The following KCNN2 variants were observed in gnomAD, a reference collection of about 807,000 sequenced individuals.
KCNN2 encodes small conductance calcium-activated potassium channel protein 2.
A neutral mutation model predicts 55.5 loss-of-function variants in KCNN2; 24 were observed. That is an observed-to-expected ratio of 0.43 (90% CI 0.31 to 0.61). The LOEUF (loss-of-function observed/expected upper bound fraction) is 0.61, where lower values mean the gene tolerates loss of function less well. Among genes scored for constraint, KCNN2 ranks in the 20% least tolerant of loss-of-function variants. The pLI, the probability that KCNN2 is intolerant of heterozygous loss-of-function variation, is 0.08. For missense variants in KCNN2, 754 were observed against 853.6 expected (o/e 0.88, Z 1.45); for synonymous variants, 431 against 336.1 (o/e 1.28, Z -3.09).
At position 114,232,951 on chromosome 5, in the gene KCNN2, C is replaced by T. The variant is rs1385140139; in HGVS notation, c.-185+11386C>T. Among the ~76,000 whole-genome samples, 5 of 17,760 alleles carry T rather than the reference C, an allele frequency of 2.8e-4. No individual in the cohort carries two copies. The East Asian group carries it at 0.022, about 77-fold the overall frequency. 11.7% of individuals were successfully genotyped at this position (17,760 alleles called of 152,430 possible). Reference sequence around the variant, plus strand: ...TTTTTTTTTTTTTGAGACGGAGTCTCGCTCTGTCGCCCAGGCTGGAGTGCA... The same window carrying T: ...TTTTTTTTTTTTTGAGACGGAGTCTTGCTCTGTCGCCCAGGCTGGAGTGCA... On this transcript the variant is annotated intron_variant, in intron 2 of 10. Transcript: ENST00000512097.
chr5:114,164,100 GATTACAAAAGTATTCAAAAAGT>G (rs1752856848), intron 1 of KCNN2, among the ~76,000 whole-genome samples: 1 of 152,074 alleles, frequency 6.6e-6, no homozygotes, highest in Non-Finnish European at 1.5e-5. Context: ...TTACAAGAAG[GATTACAAAAGTATTCAAAAAGT>G]ATTACAAAAG....
chr5:114,122,244 C>A (rs755881294), intron 1 of KCNN2, among the ~76,000 whole-genome samples: 5 of 152,062 alleles, frequency 3.3e-5, no homozygotes, highest in Non-Finnish European at 7.4e-5. Context: ...TTTGAAGAGC[C>A]ATGGCATTGT....
chr5:114,277,819 C>G (rs1276625148), intron 2 of KCNN2, among the ~76,000 whole-genome samples: 1 of 152,036 alleles, frequency 6.6e-6, no homozygotes, highest in East Asian at 1.9e-4. Flanking sequence ...TTATTACCGA[C>G]CTTCTGAAGT....
At chr5:114,352,944 A>G (rs1331193259) in intron 2 of KCNN2, among the ~76,000 whole-genome samples, 1 of 151,874 alleles carries the variant, frequency 6.6e-6, no homozygotes, top group African/African-American at 2.4e-5. Flanking sequence ...TATTCTTGTT[A>G]ATCCTCTGCA....
chr5:114,425,449 C>G (rs988097909), intron 3 of KCNN2, among the ~76,000 whole-genome samples: 1 of 152,130 alleles, frequency 6.6e-6, no homozygotes, highest in Non-Finnish European at 1.5e-5. Context: ...GTTGACCTTC[C>G]CAGCTTAGTT....
chr5:114,446,621 C>A (rs909326423), intron 3 of KCNN2, among the ~76,000 whole-genome samples: 4 of 152,126 alleles, frequency 2.6e-5, no homozygotes, highest in African/African-American at 9.7e-5. Context: ...CTGTGCCCGG[C>A]TAATTTTTGT....
chr5:114,072,443 C>T (rs2112527691), intron 1 of KCNN2, among the ~76,000 whole-genome samples: 1 of 152,184 alleles, frequency 6.6e-6, no homozygotes, highest in African/African-American at 2.4e-5. Flanking sequence ...ATTAGCTATG[C>T]ATAAAATGGC....
At chr5:114,174,967 A>T (rs1188841784) in intron 1 of KCNN2, among the ~76,000 whole-genome samples, 2 of 152,206 alleles carry the variant, frequency 1.3e-5, no homozygotes, top group African/African-American at 4.8e-5. Context: ...GGAAATAACT[A>T]AAATCCTCAA....
Position 114,150,734 on chromosome 5 carries a change from A to G in KCNN2, c.-270-70746A>G, listed in dbSNP as rs529735052. The stretch of plus-strand genomic sequence containing the variant: ...AGGCAGCTTCTTATAAAAACCAAAT[A>G]AGCAAGGCCGGGCACAGTGGCTTAC... On this transcript the variant is annotated intron_variant, in intron 1 of 10. Transcript: ENST00000512097. 1.9e-4 allele frequency among the ~76,000 whole-genome samples: 29 copies of G among 152,286 alleles called. No homozygotes were observed. The South Asian group carries it at 5.2e-3, about 27-fold the overall frequency.
chr5:114,133,014 C>A (rs1752101408), intron 1 of KCNN2, among the ~76,000 whole-genome samples: 1 of 152,144 alleles, frequency 6.6e-6, no homozygotes, highest in African/African-American at 2.4e-5. Flanking sequence ...GATTCTTCTA[C>A]CCATATTCCC....
chr5:114,161,307 T>G (rs1366294402), intron 1 of KCNN2, among the ~76,000 whole-genome samples: 1 of 150,624 alleles, frequency 6.6e-6, no homozygotes, highest in Non-Finnish European at 1.5e-5. Context: ...AATTCTTTTC[T>G]TTAAGAATGT....
At chr5:114,116,536 A>G (rs1193814488) in intron 1 of KCNN2, among the ~76,000 whole-genome samples, 1 of 152,132 alleles carries the variant, frequency 6.6e-6, no homozygotes, top group Admixed American at 6.5e-5. Context: ...ATGAACTGTG[A>G]AATTGTGACA....
chr5:114,107,232 A>G (rs562526243), intron 1 of KCNN2, among the ~76,000 whole-genome samples: 2 of 152,086 alleles, frequency 1.3e-5, no homozygotes, highest in Admixed American at 6.6e-5. Flanking sequence ...AGAGTTCTCT[A>G]TTTTGTTCCA....
At chr5:114,297,208 A>G (rs2150020702) in intron 2 of KCNN2, among the ~76,000 whole-genome samples, 1 of 152,190 alleles carries the variant, frequency 6.6e-6, no homozygotes. Context: ...AATCCTAACT[A>G]CTAGGAGGCA....
intron 1 of KCNN2, among the ~76,000 whole-genome samples, chr5:114,110,018 C>T (rs951043057): frequency 1.3e-5 from 2 of 152,028 alleles, no homozygotes; most frequent in African/African-American, 4.8e-5. Context: ...ATAAAAGAGG[C>T]TTCACAAAGC....
At position 114,395,959 on chromosome 5, in the gene KCNN2, T is replaced by C. The variant is rs73782227; in HGVS notation, c.1219-8479T>C. ...TTACCCAAATAACAGTTTTCTGAAA[T>C]TTACTTCAGTAGTCCAGACTTCTCT... On this transcript the variant is annotated intron_variant, in intron 2 of 7. Transcript: ENST00000673685. 6.3e-3 allele frequency among the ~76,000 whole-genome samples: 953 copies of C among 152,320 alleles called. 10 individuals carry two copies. Among genetic ancestry groups the C allele is most frequent in the African/African-American group, 0.022 (902 of 41,566 alleles).
At position 114,473,720 on chromosome 5, in the gene KCNN2, A is replaced by G. The variant is rs908805972; in HGVS notation, c.1890+556A>G. Among the ~76,000 whole-genome samples, 8 of 152,306 alleles carry G rather than the reference A, an allele frequency of 5.3e-5. No homozygotes were observed. In the South Asian group the frequency reaches 1.7e-3, roughly 32 times the overall value. ...CAAATATTAGCAGAAGAAAACAGTA[A>G]TCACAATGTTTAAGAGCACTTTCTG... On this transcript the variant is annotated intron_variant, in intron 5 of 7. Transcript: ENST00000673685.
chr5:114,163,602 C>G (rs998763887), intron 1 of KCNN2, among the ~76,000 whole-genome samples: 2 of 152,130 alleles, frequency 1.3e-5, no homozygotes, highest in African/African-American at 2.4e-5. Context: ...TTTGTATGGA[C>G]TCTGATGTCT....
At chr5:114,276,079 G>C (rs551845190) in intron 2 of KCNN2, among the ~76,000 whole-genome samples, 1 of 152,176 alleles carries the variant, frequency 6.6e-6, no homozygotes, top group Non-Finnish European at 1.5e-5. Context: ...CCTTCATTTC[G>C]TTATGTATCC....
Sources: gnomAD v4.1 joint callset for allele counts (sites outside exome capture counted in the v4.1 genomes callset) on GRCh38, gnomAD v4.1.1 for gene constraint, MANE v1.5 for transcripts, NCBI Gene and HGNC (gene_info 2026-07-23, HGNC 2026-07-21) for gene names.